Variants in LMBRD1 observed in about 807,000 individuals in gnomAD.
LMBRD1 encodes the protein lysosomal cobalamin transport escort protein LMBD1.
LMBRD1 carries 64 observed loss-of-function variants against 74.8 expected under a neutral mutation model. The observed-to-expected ratio is 0.86, with a 90% CI of 0.70 to 1.05. The LOEUF is 1.05. LMBRD1 is among the 50% of genes least tolerant of loss of function. The pLI is 0.00. For missense variants in LMBRD1, 652 were observed against 645.9 expected (o/e 1.01, Z -0.10); for synonymous variants, 204 against 216.3 (o/e 0.94, Z 0.50).
At chr6:69,750,495 A>G (rs1765109614) in intron 4 of LMBRD1, among the ~76,000 whole-genome samples, 1 of 152,100 alleles carries the variant, frequency 6.6e-6, no homozygotes, top group Non-Finnish European at 1.5e-5. Flanking sequence ...CTCATTTTAA[A>G]TCGGTCAGAA....
chr6:69,755,062 C>T (rs1262844084), intron 3 of LMBRD1, among the ~76,000 whole-genome samples: 1 of 152,124 alleles, frequency 6.6e-6, no homozygotes, highest in African/African-American at 2.4e-5. Context: ...CCATTTGACC[C>T]AGCAATCCCA....
chr6:69,726,826 G>A (rs1395688970), intron 7 of LMBRD1, among the ~76,000 whole-genome samples: 1 of 151,954 alleles, frequency 6.6e-6, no homozygotes, highest in African/African-American at 2.4e-5. Flanking sequence ...AGCACAACAG[G>A]TGAACTATAG....
chr6:69,705,826 CT>C (rs1369023077), intron 9 of LMBRD1: 1 of 1,266,296 alleles, frequency 7.9e-7, no homozygotes, highest in Non-Finnish European at 1.1e-6. Context: ...ATGTTGTTCA[CT>C]AATATGCACT....
chr6:69,790,230 A>G (rs767106904), intron 2 of LMBRD1, 66 bp downstream of exon 2: 106 of 1,045,536 alleles, frequency 1.0e-4, no homozygotes, highest in Non-Finnish European at 1.5e-4. Flanking sequence ...CACAATATGT[A>G]TCGGACTGCC....
intron 14 of LMBRD1, among the ~76,000 whole-genome samples, chr6:69,680,224 T>G (rs749741553): frequency 6.6e-6 from 1 of 152,160 alleles, no homozygotes; most frequent in Non-Finnish European, 1.5e-5. Flanking sequence ...AAAACAAGAA[T>G]GGTATCATTC....
At chr6:69,694,507 TAAC>T (rs1183477353) in intron 14 of LMBRD1, among the ~76,000 whole-genome samples, 1 of 152,328 alleles carries the variant, frequency 6.6e-6, no homozygotes, top group South Asian at 2.1e-4. Context: ...TTATTTATAC[TAAC>T]AACATTTTAC....
intron 9 of LMBRD1, chr6:69,705,503 G>C: frequency 8.1e-7 from 1 of 1,235,514 alleles, no homozygotes; most frequent in African/African-American, 1.6e-5. Context: ...ATTCTTACCC[G>C]TTTGATCTTG....
chr6:69,718,522 GA>G (rs1423016204), intron 8 of LMBRD1, among the ~76,000 whole-genome samples: 4 of 152,162 alleles, frequency 2.6e-5, no homozygotes, highest in African/African-American at 7.2e-5. Context: ...CTTTATAAAG[GA>G]AAGAGGTTTG....
intron 8 of LMBRD1, among the ~76,000 whole-genome samples, chr6:69,715,191 T>C (rs1766463364): frequency 6.6e-6 from 1 of 152,142 alleles, no homozygotes; most frequent in Admixed American, 6.6e-5. Flanking sequence ...ATGAGAAGGA[T>C]TCGGCACTTT....
chr6:69,678,658 G>A (rs570099080), intron 14 of LMBRD1, among the ~76,000 whole-genome samples: 5 of 152,168 alleles, frequency 3.3e-5, no homozygotes, highest in African/African-American at 1.2e-4. Context: ...GATCCTACAT[G>A]CAATTAGAAG....
chr6:69,711,463 A>G (rs998463181), intron 9 of LMBRD1, among the ~76,000 whole-genome samples: 8 of 152,150 alleles, frequency 5.3e-5, no homozygotes, highest in African/African-American at 1.2e-4. Flanking sequence ...AATGGAACAT[A>G]GCATATATAA....
chr6:69,760,103 T>C (rs1360223318), intron 3 of LMBRD1, among the ~76,000 whole-genome samples: 2 of 152,168 alleles, frequency 1.3e-5, no homozygotes, highest in Non-Finnish European at 2.9e-5. Flanking sequence ...TCTACCATAC[T>C]GAAGATGCAT....
intron 2 of LMBRD1, among the ~76,000 whole-genome samples, chr6:69,787,371 G>T (rs1477461454): frequency 2.0e-5 from 3 of 151,850 alleles, no homozygotes; most frequent in Non-Finnish European, 4.4e-5. Flanking sequence ...AATGTTTCAA[G>T]GTATCAAAAA....
chr6:69,759,785 T>C (rs1765339526), intron 3 of LMBRD1, among the ~76,000 whole-genome samples: 3 of 152,110 alleles, frequency 2.0e-5, no homozygotes, highest in African/African-American at 7.2e-5. Flanking sequence ...GACACAATAT[T>C]TAAAATCGTA....
chr6:69,705,471 G>T (rs1222061472), intron 9 of LMBRD1: 13 of 1,300,836 alleles, frequency 1.0e-5, no homozygotes, highest in Admixed American at 1.7e-5. Flanking sequence ...TGTTTTAGGA[G>T]ATTTTTCCTG....
At chr6:69,679,056 A>C (rs988704158) in intron 14 of LMBRD1, among the ~76,000 whole-genome samples, 1 of 131,708 alleles carries the variant, frequency 7.6e-6, no homozygotes, top group Non-Finnish European at 1.7e-5. Context: ...AAAAAAAAAA[A>C]CAAAAACAAA....
intron 2 of LMBRD1, 120 bp downstream of exon 2, chr6:69,790,176 T>A: frequency 1.4e-6 from 1 of 724,758 alleles, no homozygotes; most frequent in Non-Finnish European, 2.4e-6. Context: ...TCAGCTTCTA[T>A]GTTGTATTTC....
chr6:69,756,695 G>C (rs1265730689), intron 3 of LMBRD1, among the ~76,000 whole-genome samples: 1 of 152,188 alleles, frequency 6.6e-6, no homozygotes, highest in African/African-American at 2.4e-5. Flanking sequence ...TGGTTGATTT[G>C]CAGAGTCCAG....
At chr6:69,750,767 C>T (rs1190708536) in intron 4 of LMBRD1, among the ~76,000 whole-genome samples, 5 of 151,972 alleles carry the variant, frequency 3.3e-5, no homozygotes, top group Admixed American at 2.6e-4. Flanking sequence ...CTTGGTTTTT[C>T]CAAATATAGA....
Sources: allele counts gnomAD v4.1 joint callset (sites outside exome capture counted in the v4.1 genomes callset), GRCh38; gene constraint gnomAD v4.1.1; transcripts MANE v1.5; gene names NCBI Gene and HGNC (gene_info 2026-07-23, HGNC 2026-07-21).